Variants in ZNF138 observed in about 807,000 individuals in gnomAD.
ZNF138 encodes zinc finger protein 138 (clone pHZ-32).
In ZNF138, 33 loss-of-function variants were observed where a neutral mutation model predicts 33.0. That is an observed-to-expected ratio of 1.00 (90% CI 0.76 to 1.34). The LOEUF is 1.34. Among genes scored for constraint, ZNF138 ranks in the 40% most tolerant of loss-of-function variants. The pLI, the probability that ZNF138 is intolerant of heterozygous loss-of-function variation, is 0.00. For missense variants in ZNF138, 360 were observed against 370.8 expected, an observed-to-expected ratio of 0.97 and a Z score of 0.24; for synonymous variants, 139 against 120.4, an observed-to-expected ratio of 1.15 and a Z score of -1.01.
intron 1 of ZNF138, among the ~76,000 whole-genome samples, chr7:64,810,673 G>C (rs1180719635): frequency 6.6e-6 from 1 of 152,082 alleles, no homozygotes; most frequent in Non-Finnish European, 1.5e-5. Context: ...AAAAACAATA[G>C]GAAATACCCC....
At chr7:64,804,990 T>TA (rs1228727764) in intron 1 of ZNF138, among the ~76,000 whole-genome samples, 5 of 152,176 alleles carry the variant, frequency 3.3e-5, no homozygotes, top group Non-Finnish European at 5.9e-5. Flanking sequence ...AGACCCTATT[T>TA]CTATCCCATG....
chr7:64,841,927 C>T, the ZNF138 span, among the ~76,000 whole-genome samples: 9 of 152,218 alleles, frequency 5.9e-5, no homozygotes, highest in East Asian at 3.9e-4. Context: ...TGTTTGTAAA[C>T]GGAAAATCTT....
the ZNF138 span, among the ~76,000 whole-genome samples, chr7:64,848,222 A>C: frequency 6.6e-6 from 1 of 152,090 alleles, no homozygotes; most frequent in African/African-American, 2.4e-5. Flanking sequence ...ATCTGCTCTT[A>C]ATCTGATAGG....
chr7:64,816,407 C>G (rs1455379532), intron 3 of ZNF138, among the ~76,000 whole-genome samples: 2 of 150,656 alleles, frequency 1.3e-5, no homozygotes, highest in African/African-American at 4.9e-5. Context: ...AATTTTTTAC[C>G]TCTTTGGTTA....
chr7:64,808,355 TG>T (rs1365069706), intron 1 of ZNF138, among the ~76,000 whole-genome samples: 1 of 152,132 alleles, frequency 6.6e-6, no homozygotes, highest in Non-Finnish European at 1.5e-5. Flanking sequence ...GCATTTCCTA[TG>T]GCCATTAGAA....
At chr7:64,798,469 A>G (rs1397652466) in intron 1 of ZNF138, among the ~76,000 whole-genome samples, 1 of 152,226 alleles carries the variant, frequency 6.6e-6, no homozygotes, top group Non-Finnish European at 1.5e-5. Context: ...ACATAGTGCT[A>G]GCTAGTTATT....
chr7:64,814,374 T>C (rs904908257), intron 1 of ZNF138, among the ~76,000 whole-genome samples: 1 of 152,234 alleles, frequency 6.6e-6, no homozygotes, highest in African/African-American at 2.4e-5. Context: ...TTTTATACTT[T>C]ATCATCCAGA....
chr7:64,811,612 C>T (rs1436255743), intron 1 of ZNF138, among the ~76,000 whole-genome samples: 1 of 152,190 alleles, frequency 6.6e-6, no homozygotes, highest in African/African-American at 2.4e-5. Context: ...CCCCAAAGTG[C>T]CCGGCCTGTT....
intron 2 of ZNF138, among the ~76,000 whole-genome samples, chr7:64,815,370 G>A (rs1376596269): frequency 6.6e-6 from 1 of 151,954 alleles, no homozygotes; most frequent in Non-Finnish European, 1.5e-5. Context: ...ATAGTACTGG[G>A]TAGTGAAATT....
At chr7:64,799,900 G>C (rs1429366593) in intron 1 of ZNF138, among the ~76,000 whole-genome samples, 1 of 151,698 alleles carries the variant, frequency 6.6e-6, no homozygotes, top group Non-Finnish European at 1.5e-5. Flanking sequence ...CACCCACCTC[G>C]GCCTCCCAAA....
At chr7:64,794,761 G>A in intron 1 of ZNF138, among the ~76,000 whole-genome samples, 190 bp downstream of exon 1, 1 of 152,172 alleles carries the variant, frequency 6.6e-6, no homozygotes, top group Admixed American at 6.5e-5. Context: ...GCCGGAACCA[G>A]GCGTCCTGTC....
At chr7:64,826,812 G>A (rs1171570431) in intron 3 of ZNF138, among the ~76,000 whole-genome samples, 1 of 151,798 alleles carries the variant, frequency 6.6e-6, no homozygotes, top group East Asian at 1.9e-4. Context: ...ATAATTGCCA[G>A]CTAATTTTTG....
chr7:64,860,091 C>G, the ZNF138 span, among the ~76,000 whole-genome samples: 1 of 152,184 alleles, frequency 6.6e-6, no homozygotes, highest in Non-Finnish European at 1.5e-5. Flanking sequence ...GAGCCAAAAT[C>G]ATTCCACTGC....
the ZNF138 span, among the ~76,000 whole-genome samples, chr7:64,847,365 G>A: frequency 7.5e-6 from 1 of 133,326 alleles, no homozygotes; most frequent in Non-Finnish European, 1.6e-5. Context: ...TTCTTGGTTA[G>A]AATGTTCTGT....
chr7:64,805,803 CTT>C (rs1189089649), intron 1 of ZNF138, among the ~76,000 whole-genome samples: 1 of 152,226 alleles, frequency 6.6e-6, no homozygotes, highest in Non-Finnish European at 1.5e-5. Flanking sequence ...AAAATTACCT[CTT>C]GTCATGAAGA....
chr7:64,827,165 C>T (rs1789690149), intron 3 of ZNF138, among the ~76,000 whole-genome samples: 2 of 151,058 alleles, frequency 1.3e-5, no homozygotes, highest in African/African-American at 4.9e-5. Context: ...TGATCTTCAA[C>T]TCCTGGTTTG....
At chr7:64,825,374 G>A (rs1194593589) in intron 3 of ZNF138, among the ~76,000 whole-genome samples, 11 of 150,948 alleles carry the variant, frequency 7.3e-5, no homozygotes, top group African/African-American at 2.7e-4. Context: ...GAGTCTCACC[G>A]TGTTAGCCAG....
chr7:64,852,174 A>G, the ZNF138 span, among the ~76,000 whole-genome samples: 1 of 152,180 alleles, frequency 6.6e-6, no homozygotes, highest in Admixed American at 6.5e-5. Context: ...ATAATTCTCA[A>G]CTCAGAAGCT....
At chr7:64,844,201 C>T in the ZNF138 span, among the ~76,000 whole-genome samples, 1 of 152,230 alleles carries the variant, frequency 6.6e-6, no homozygotes, top group African/African-American at 2.4e-5. Flanking sequence ...TCCCAACTAG[C>T]TGGGACCACA....
Sources: gnomAD v4.1 joint callset for allele counts (sites outside exome capture counted in the v4.1 genomes callset) on GRCh38, gnomAD v4.1.1 for gene constraint, MANE v1.5 for transcripts, NCBI Gene and HGNC (gene_info 2026-07-23, HGNC 2026-07-21) for gene names.